Variants in DMC1 observed in about 807,000 individuals in gnomAD.
DMC1 encodes DNA meiotic recombinase 1.
In DMC1, 27 loss-of-function variants were observed where a neutral mutation model predicts 50.1. The observed-to-expected ratio is 0.54, with a 90% CI of 0.40 to 0.74. DMC1 has a LOEUF of 0.74. Among genes scored for constraint, DMC1 ranks in the 30% least tolerant of loss-of-function variants. DMC1 has a pLI of 0.00. For synonymous variants in DMC1, 148 were observed against 136.1 expected (o/e 1.09, Z -0.61); for missense variants, 295 against 420.2 (o/e 0.70, Z 2.60).
rs191109236 is a variant in DMC1 at position 38,560,567 on chromosome 22, T to C, written c.326+1720A>G. Among the ~76,000 whole-genome samples, 3 of 152,002 alleles carry C rather than the reference T, an allele frequency of 2.0e-5. No homozygotes were observed. The East Asian group carries it at 5.8e-4, about 29-fold the overall frequency. ...AAGGAGGGAGGTTAATTAGAGGTTA[T>C]TATAATAATCCAGGGGAGATATTAA... On this transcript the variant is annotated intron_variant, in intron 5 of 13. Coordinates refer to ENST00000216024, the MANE Select transcript of DMC1 (RefSeq NM_007068.4).
At position 38,552,791 on chromosome 22, in the gene DMC1, T is replaced by G. The variant is rs2090426622; in HGVS notation, c.380-84A>C. On this transcript the variant is annotated intron_variant, in intron 6 of 13. Transcript: ENST00000216024. ...AGAATAAAACATGGCTTTAGAATAT[T>G]ACTGTTTTCTTTTTCTTTTCCAACT... 1.9e-5 allele frequency: 17 copies of G among 898,420 alleles called. No homozygotes were observed. In the East Asian group the frequency reaches 4.1e-4, roughly 22 times the overall value. 55.7% of individuals were successfully genotyped at this position (898,420 alleles called of 1,614,324 possible). A position where few individuals can be genotyped will look rare whatever the true frequency, so the allele number is the denominator to read the frequency against.
At chr22:38,533,659 TA>T (rs1205874311) in intron 12 of DMC1, among the ~76,000 whole-genome samples, 2 of 152,200 alleles carry the variant, frequency 1.3e-5, no homozygotes, top group African/African-American at 4.8e-5. Context: ...GAGTAATAAT[TA>T]ATTTACTCTA....
rs1224812829 is a variant in DMC1, at chr22:38,568,265, G to C, written c.-9C>G. 1 of 1,613,810 alleles carries C rather than the reference G, an allele frequency of 6.2e-7. No homozygotes were observed. Among genetic ancestry groups the C allele is most frequent in the Non-Finnish European group, 8.5e-7 (1 of 1,179,870 alleles). On this transcript the variant is annotated 5_prime_UTR_variant, in exon 2 of 14. Coordinates refer to ENST00000216024, the MANE Select transcript of DMC1 (RefSeq NM_007068.4). ...ACTTGATCCTCCTTCATATTGAAAA[G>C]TGGGCAACAGAAAAATAATCACTTC...
intron 13 of DMC1, 45 bp from the exon 14 acceptor site, chr22:38,520,134 C>A: frequency 7.0e-7 from 1 of 1,423,482 alleles, no homozygotes; most frequent in South Asian, 1.1e-5. Context: ...AGCTCTATTT[C>A]TATAAATACT....
At chr22:38,555,725 T>C (rs1043064820) in intron 5 of DMC1, among the ~76,000 whole-genome samples, 1 of 151,940 alleles carries the variant, frequency 6.6e-6, no homozygotes, top group Non-Finnish European at 1.5e-5. Context: ...AATAATAAAT[T>C]ATTTTAAGAA....
At chr22:38,543,072 TA>T (rs1211774571) in intron 8 of DMC1, among the ~76,000 whole-genome samples, 1 of 152,146 alleles carries the variant, frequency 6.6e-6, no homozygotes, top group East Asian at 1.9e-4. Flanking sequence ...ATTAAAGACT[TA>T]AATCTAAGAC....
chr22:38,517,291 G>A (rs1024884187), downstream of DMC1, among the ~76,000 whole-genome samples: 7 of 152,142 alleles, frequency 4.6e-5, no homozygotes, highest in African/African-American at 1.4e-4. Context: ...AAAACAGGCC[G>A]GGCGTGGTGG....
At chr22:38,556,572 C>G (rs1241941051) in intron 5 of DMC1, among the ~76,000 whole-genome samples, 1 of 152,160 alleles carries the variant, frequency 6.6e-6, no homozygotes, top group African/African-American at 2.4e-5. Context: ...CAGATTCTGA[C>G]AGCATACATT....
intron 5 of DMC1, among the ~76,000 whole-genome samples, chr22:38,559,876 G>C (rs2090508001): frequency 6.6e-6 from 1 of 151,938 alleles, no homozygotes; most frequent in Admixed American, 6.6e-5. Context: ...AAATTAGCCG[G>C]GCGTGGTGGC....
intron 8 of DMC1, among the ~76,000 whole-genome samples, chr22:38,540,999 G>A (rs1262738326): frequency 6.6e-6 from 1 of 152,130 alleles, no homozygotes; most frequent in Non-Finnish European, 1.5e-5. Flanking sequence ...CCTTTCCTGG[G>A]CCTTGAAGCA....
chr22:38,568,895 A>G (rs2090609007), intron 1 of DMC1, among the ~76,000 whole-genome samples: 1 of 152,094 alleles, frequency 6.6e-6, no homozygotes, highest in Admixed American at 6.6e-5. Context: ...TTTTTTTAAG[A>G]TTTAAAAATA....
chr22:38,513,853 A>C, the DMC1 span, among the ~76,000 whole-genome samples: 1 of 152,252 alleles, frequency 6.6e-6, no homozygotes, highest in Non-Finnish European at 1.5e-5. Context: ...GGCGCGGGCC[A>C]CTGCGCCTGG....
At chr22:38,555,560 T>A in intron 5 of DMC1, 151 bp from the exon 6 acceptor site, 1 of 604,166 alleles carries the variant, frequency 1.7e-6, no homozygotes, top group East Asian at 3.0e-5. Flanking sequence ...TGAACAGCAA[T>A]TCTTGGCTGA....
chr22:38,563,951 C>T lies in DMC1; in HGVS notation c.244-1582G>A, dbSNP rs570318068. ...TCCTGACCTCATGATCCGCCTGCCT[C>T]GGCCTCCCAAAGTGCTGGGATTACA... is the stretch of plus-strand genomic sequence containing the variant. On this transcript the variant is annotated intron_variant, in intron 4 of 13. Coordinates refer to ENST00000216024, the MANE Select transcript of DMC1 (RefSeq NM_007068.4). 1.0e-3 allele frequency among the ~76,000 whole-genome samples: 155 copies of T among 152,238 alleles called. No homozygotes were observed. In the Middle Eastern group the frequency reaches 0.014, roughly 13 times the overall value.
rs367848894 is a variant in DMC1, at chr22:38,521,759, T to G, written c.837-35A>C. ...TAAAATACTCTTTCAGGTTTCATCA[T>G]ATGGACTATATATGGCAATATCTGC... On this transcript the variant is annotated intron_variant, in intron 12 of 13. Transcript: ENST00000216024. The G allele has an allele frequency of 2.8e-6, 4 of 1,408,224 alleles. No homozygotes were observed. In the African/African-American group the frequency reaches 5.7e-5, roughly 20 times the overall value. 87.2% of individuals were successfully genotyped at this position (1,408,224 alleles called of 1,614,324 possible). A position where few individuals can be genotyped will look rare whatever the true frequency, so the allele number is the denominator to read the frequency against.
intron 4 of DMC1, among the ~76,000 whole-genome samples, chr22:38,565,646 A>G (rs2090573635): frequency 6.6e-6 from 1 of 152,210 alleles, no homozygotes; most frequent in Non-Finnish European, 1.5e-5. Flanking sequence ...GTTGCTGTCC[A>G]ACACCACTGG....
At chr22:38,514,557 C>T (rs553332237), downstream of DMC1, among the ~76,000 whole-genome samples, 6 of 151,940 alleles carry the variant, frequency 3.9e-5, no homozygotes, top group African/African-American at 1.4e-4. Flanking sequence ...CAGGATGAGA[C>T]AGGAGGTCAC....
At chr22:38,534,666 G>A (rs908464409) in intron 12 of DMC1, among the ~76,000 whole-genome samples, 2 of 151,398 alleles carry the variant, frequency 1.3e-5, no homozygotes, top group African/African-American at 4.9e-5. Context: ...TGGTGCTGCT[G>A]CACTCCAGCC....
In DMC1 at chr22:38,555,345, G is replaced by A. The variant is rs370392294; in HGVS notation, c.379+12C>T. On this transcript the variant is annotated intron_variant, in intron 6 of 13. Transcript: ENST00000216024. ...AATATTTCATTTAACAAAATATTAAGGTTCTACCTACCTCCAAAAGCTTCT... is the reference window on the plus strand; with the variant it reads ...AATATTTCATTTAACAAAATATTAAAGTTCTACCTACCTCCAAAAGCTTCT... 7 of 1,584,906 alleles carry A rather than the reference G, an allele frequency of 4.4e-6. No homozygotes were observed. The highest frequency in any genetic ancestry group is 2.2e-5 in the East Asian group (1 of 44,534).
Sources: allele counts gnomAD v4.1 joint callset (sites outside exome capture counted in the v4.1 genomes callset), GRCh38; gene constraint gnomAD v4.1.1; transcripts MANE v1.5; gene names NCBI Gene and HGNC (gene_info 2026-07-23, HGNC 2026-07-21).